Variants in AACS observed in about 807,000 individuals in gnomAD.
AACS encodes acetoacetyl-CoA synthetase.
AACS carries 69 observed loss-of-function variants against 83.1 expected under a neutral mutation model. That is an observed-to-expected ratio of 0.83 (90% confidence interval 0.68 to 1.01). AACS has a LOEUF of 1.01. AACS is among the 50% of genes least tolerant of loss of function. AACS has a pLI of 0.00. For synonymous variants in AACS, 333 were observed against 343.4 expected (o/e 0.97, Z 0.33); for missense variants, 866 against 882.2 (o/e 0.98, Z 0.23).
chr12:125,091,751 G>A (rs529349043), intron 5 of AACS, among the ~76,000 whole-genome samples: 1 of 152,236 alleles, frequency 6.6e-6, no homozygotes, highest in African/African-American at 2.4e-5. Context: ...CATCGAAGAC[G>A]TGGGCAGGTG....
chr12:125,125,617 C>T (rs1291216079), intron 12 of AACS: 1 of 152,354 alleles, frequency 6.6e-6, no homozygotes, highest in Non-Finnish European at 1.5e-5. Context: ...GGCAAATTCC[C>T]CAAAATAGAA....
chr12:125,091,425 G>A lies in AACS; in HGVS notation c.473-1G>A. On this transcript the variant is annotated splice_acceptor_variant, in intron 4 of 17. Coordinates refer to ENST00000316519, the MANE Select transcript of AACS (RefSeq NM_023928.5). LOFTEE classifies it high-confidence loss of function. ...GGCTTCTTCCTATGTTTTCTCCACA[G>A]GTTATTTACCCAACAGTGAGCACGC... 1 of 1,614,178 alleles carries A rather than the reference G, an allele frequency of 6.2e-7. No individual in the cohort carries two copies. The highest frequency in any genetic ancestry group is 8.5e-7 in the Non-Finnish European group (1 of 1,180,012).
chr12:125,100,200 C>T lies in AACS; in HGVS notation c.571-2479C>T, dbSNP rs922213388. ...ATAAAATAATTCTTTTGTAGCTGTC[C>T]AAGCTCGTCTCCCAAAGTGTTGGGA... On this transcript the variant is annotated intron_variant, in intron 5 of 17. Coordinates refer to ENST00000316519, the MANE Select transcript of AACS (RefSeq NM_023928.5). Among the ~76,000 whole-genome samples the T allele has an allele frequency of 4.6e-5, 7 of 152,136 alleles. No individual in the cohort carries two copies. The East Asian group carries it at 9.7e-4, about 21-fold the overall frequency.
Position 125,128,175 on chromosome 12 carries a change from A to G in AACS, c.1324A>G (p.Ile442Val), listed in dbSNP as rs568923932. 1 of 1,611,000 alleles carries G rather than the reference A, an allele frequency of 6.2e-7. No individual in the cohort carries two copies. The highest frequency in any genetic ancestry group is 1.3e-5 in the African/African-American group (1 of 74,948). ...LGSISGGTDIISCFMGHNFSL... is the reference protein window; with the variant it reads ...LGSISGGTDIVSCFMGHNFSL... The stretch of plus-strand genomic sequence containing the variant: ...ATTGCTTGCAGGAGGCACCGACATC[A>G]TCTCCTGCTTCATGGGCCACAATTT... Residue 442 changes from isoleucine (I) to valine (V), a missense_variant, in exon 13 of 18, where the codon ATC becomes GTC. By Grantham distance (29) the Ile-to-Val change is conservative. Coordinates refer to ENST00000316519, the MANE Select transcript of AACS (RefSeq NM_023928.5).
At chr12:125,102,961 G>C in intron 6 of AACS, 39 bp from the exon 7 acceptor site, 1 of 1,549,180 alleles carries the variant, frequency 6.5e-7, no homozygotes, top group Non-Finnish European at 8.8e-7. Flanking sequence ...AAGCATCTTT[G>C]TCCTGTAACC....
In AACS at chr12:125,093,059, G is replaced by A. The variant is rs550278642; in HGVS notation, c.570+1536G>A. On this transcript the variant is annotated intron_variant, in intron 5 of 17. Transcript: ENST00000316519. Reference sequence around the variant, plus strand: ...GTTAGTGCAACTGCACAGATGGCAGGAGCCACGTTTGTGTGGAGCCGGGGA... The same window carrying A: ...GTTAGTGCAACTGCACAGATGGCAGAAGCCACGTTTGTGTGGAGCCGGGGA... Among the ~76,000 whole-genome samples, 6 of 152,352 alleles carry A rather than the reference G, an allele frequency of 3.9e-5. No individual in the cohort carries two copies. In the South Asian group the frequency reaches 1.2e-3, roughly 32 times the overall value.
intron 3 of AACS, 38 bp downstream of exon 3, chr12:125,076,649 G>T: frequency 6.2e-7 from 1 of 1,612,488 alleles, no homozygotes; most frequent in South Asian, 1.1e-5. Context: ...TTCCTCCGTG[G>T]AAGTTCTAGA....
intron 5 of AACS, among the ~76,000 whole-genome samples, chr12:125,098,817 T>G (rs1000883372): frequency 6.6e-6 from 1 of 152,248 alleles, no homozygotes; most frequent in African/African-American, 2.4e-5. Flanking sequence ...GATTGAGTTA[T>G]ATGTGGCCAC....
chr12:125,102,289 A>G (rs889918787), intron 5 of AACS: 2 of 185,802 alleles, frequency 1.1e-5, no homozygotes, highest in African/African-American at 4.8e-5. Context: ...ACCTCAAGTG[A>G]TTCACCTGCC....
chr12:125,066,977 A>G (rs1955719070), intron 1 of AACS, among the ~76,000 whole-genome samples: 1 of 151,992 alleles, frequency 6.6e-6, no homozygotes, highest in Admixed American at 6.6e-5. Flanking sequence ...CTCACCAAAC[A>G]GTGGTTGGTT....
intron 5 of AACS, among the ~76,000 whole-genome samples, chr12:125,095,077 A>G (rs944338354): frequency 2.0e-5 from 3 of 151,918 alleles, no homozygotes; most frequent in Admixed American, 6.6e-5. Context: ...GGCTGTCACC[A>G]TGATTCAACA....
At chr12:125,102,219 T>C (rs1218839190) in intron 5 of AACS, 2 of 158,726 alleles carry the variant, frequency 1.3e-5, no homozygotes, top group Admixed American at 6.1e-5. Flanking sequence ...CCTGGCTAAT[T>C]TTTGTATTTT....
intron 1 of AACS, among the ~76,000 whole-genome samples, chr12:125,070,722 C>G (rs1955838868): frequency 1.3e-5 from 2 of 152,298 alleles, no homozygotes; most frequent in South Asian, 2.1e-4. Flanking sequence ...ATGTAATCCT[C>G]TCAGTAATCC....
At chr12:125,101,556 G>C (rs1355603732) in intron 5 of AACS, 1 of 152,144 alleles carries the variant, frequency 6.6e-6, no homozygotes, top group African/African-American at 2.4e-5. Flanking sequence ...TGGCCTCTTT[G>C]GAAGATGAAT....
chr12:125,093,784 GGT>G (rs1956542981), intron 5 of AACS, among the ~76,000 whole-genome samples: 1 of 152,218 alleles, frequency 6.6e-6, no homozygotes, highest in Non-Finnish European at 1.5e-5. Context: ...TAGTGTCCGA[GGT>G]ATAGACTCCA....
chr12:125,085,854 T>G (rs1956327236), intron 3 of AACS, among the ~76,000 whole-genome samples: 1 of 152,222 alleles, frequency 6.6e-6, no homozygotes, highest in Non-Finnish European at 1.5e-5. Context: ...CTTGCACTGT[T>G]GCTCAGGCTG....
In AACS at chr12:125,129,938, C is replaced by G. The variant is rs1430693166; in HGVS notation, c.1549+478C>G. On this transcript the variant is annotated intron_variant, in intron 14 of 17. Transcript: ENST00000316519. The surrounding 1 kb of genome is among the most constrained non-coding windows in gnomAD (Gnocchi z 4.3). ...TGCGGTGGAAGCATTTACAACCCGACACGTCACTCTCACATAGACTGACAC... is the reference window on the plus strand; with the variant it reads ...TGCGGTGGAAGCATTTACAACCCGAGACGTCACTCTCACATAGACTGACAC... Among the ~76,000 whole-genome samples the G allele has an allele frequency of 6.6e-6, 1 of 151,832 alleles. No homozygotes were observed. The highest frequency in any genetic ancestry group is 2.1e-4 in the South Asian group (1 of 4,804).
intron 3 of AACS, among the ~76,000 whole-genome samples, chr12:125,079,504 C>T (rs1956113828): frequency 6.6e-6 from 1 of 152,156 alleles, no homozygotes; most frequent in South Asian, 2.1e-4. Flanking sequence ...ACCTTAGCCT[C>T]CTGAGTAGCT....
intron 1 of AACS, among the ~76,000 whole-genome samples, chr12:125,071,921 G>A (rs947440630): frequency 1.3e-5 from 2 of 152,096 alleles, no homozygotes; most frequent in East Asian, 1.9e-4. Context: ...GCAGTGGCAC[G>A]ATCTCGGCTC....
Sources: gnomAD v4.1 joint callset for allele counts (sites outside exome capture counted in the v4.1 genomes callset) on GRCh38, gnomAD v4.1.1 for gene constraint, Gnocchi (gnomAD v3.1) non-coding constraint, MANE v1.5 for transcripts, NCBI Gene and HGNC (gene_info 2026-07-23, HGNC 2026-07-21) for gene names.